Variants in DHRS7B observed in about 807,000 individuals in gnomAD.
DHRS7B encodes peroxisomal reductase activating PPAR-gamma.
A neutral mutation model predicts 26.4 loss-of-function variants in DHRS7B; 24 were observed. The observed-to-expected ratio is 0.91, with a 90% CI of 0.66 to 1.28. The LOEUF is 1.28. Among genes scored for constraint, DHRS7B ranks in the 50% most tolerant of loss-of-function variants. DHRS7B has a pLI of 0.00. For missense variants in DHRS7B, 368 were observed against 419.4 expected (o/e 0.88, Z 1.07); for synonymous variants, 142 against 166.4 (o/e 0.85, Z 1.13).
chr17:21,182,327 C>T (rs1974532227), intron 3 of DHRS7B, among the ~76,000 whole-genome samples: 1 of 152,200 alleles, frequency 6.6e-6, no homozygotes, highest in African/African-American at 2.4e-5. Context: ...CGGCTCACCA[C>T]AACCTCCGCC....
intron 3 of DHRS7B, among the ~76,000 whole-genome samples, chr17:21,181,036 T>G (rs1305075790): frequency 6.6e-6 from 1 of 152,238 alleles, no homozygotes; most frequent in Non-Finnish European, 1.5e-5. Context: ...TTTGTCTTAG[T>G]CTGTTTTATG....
intron 1 of DHRS7B, among the ~76,000 whole-genome samples, chr17:21,138,109 C>CACACACACACAT (rs1973401871): frequency 7.3e-6 from 1 of 137,914 alleles, no homozygotes; most frequent in Non-Finnish European, 1.5e-5. Flanking sequence ...TATACACACA[C>CACACACACACAT]ACACACACAC....
intron 1 of DHRS7B, among the ~76,000 whole-genome samples, chr17:21,143,163 G>A (rs1973563715): frequency 6.6e-6 from 1 of 152,214 alleles, no homozygotes; most frequent in Admixed American, 6.5e-5. Flanking sequence ...TCGACCTCAG[G>A]TGATCCGCCC....
At chr17:21,136,571 A>T (rs1209686385) in intron 1 of DHRS7B, among the ~76,000 whole-genome samples, 1 of 150,818 alleles carries the variant, frequency 6.6e-6, no homozygotes, top group Non-Finnish European at 1.5e-5. Context: ...GTTTGTTTTG[A>T]GATGGAGCCT....
At chr17:21,128,298 A>G (rs1359392318) in intron 1 of DHRS7B, 1 of 152,232 alleles carries the variant, frequency 6.6e-6, no homozygotes, top group East Asian at 1.9e-4. Context: ...GCAGTGGCTC[A>G]CACATGTAAT....
chr17:21,150,117 A>AAAAAC (rs1555537196), intron 1 of DHRS7B, among the ~76,000 whole-genome samples: 1 of 141,818 alleles, frequency 7.1e-6, no homozygotes, highest in African/African-American at 2.6e-5. Context: ...AAAAAAAAAA[A>AAAAAC]AAAAAAAAAA....
chr17:21,189,629 C>A (rs1974731925), intron 6 of DHRS7B, among the ~76,000 whole-genome samples: 1 of 152,228 alleles, frequency 6.6e-6, no homozygotes, highest in South Asian at 2.1e-4. Context: ...ACCAAGACTG[C>A]CCATGTCCTG....
chr17:21,153,859 A>G (rs7214471), intron 1 of DHRS7B, among the ~76,000 whole-genome samples: 130,309 of 152,100 alleles, frequency 0.86, 55,959 homozygotes, highest in African/African-American at 0.88. Context: ...CATGAATTTT[A>G]AAAGGGACAA....
chr17:21,168,651 G>A (rs1045032780), intron 1 of DHRS7B: 12 of 914,170 alleles, frequency 1.3e-5, no homozygotes, highest in African/African-American at 1.3e-4. Context: ...TTACAGGCGC[G>A]AGGCACTGCG....
At position 21,136,951 on chromosome 17, in the gene DHRS7B, T is replaced by A. The variant is rs527732357; in HGVS notation, c.20+9960T>A. On this transcript the variant is annotated intron_variant, in intron 1 of 6. Coordinates refer to ENST00000395511, the MANE Select transcript of DHRS7B (RefSeq NM_015510.5). ...GGTCATATTAAAGTTTTTTGGCTTT[T>A]AAAATTTTTTTTATTTTTATTTCTT... is the stretch of plus-strand genomic sequence containing the variant. Among the ~76,000 whole-genome samples, 8 of 152,082 alleles carry A rather than the reference T, an allele frequency of 5.3e-5. No individual in the cohort carries two copies. In the East Asian group the frequency reaches 7.7e-4, roughly 15 times the overall value.
intron 1 of DHRS7B, among the ~76,000 whole-genome samples, chr17:21,147,850 A>G (rs928836139): frequency 6.6e-6 from 1 of 152,078 alleles, no homozygotes; most frequent in African/African-American, 2.4e-5. Context: ...GCAAATCATA[A>G]TGGCTGCTCA....
intron 5 of DHRS7B, among the ~76,000 whole-genome samples, 154 bp from the exon 6 acceptor site, chr17:21,188,557 A>G (rs1567631697): frequency 6.6e-6 from 1 of 152,234 alleles, no homozygotes; most frequent in East Asian, 1.9e-4. Context: ...ACTTGAGCTC[A>G]GGAGCTGGAG....
chr17:21,162,482 T>C (rs191403558), intron 1 of DHRS7B, among the ~76,000 whole-genome samples: 1 of 152,212 alleles, frequency 6.6e-6, no homozygotes, highest in East Asian at 1.9e-4. Context: ...TGATACAATC[T>C]TATTCAACAA....
Position 21,190,933 on chromosome 17 carries a change from TTTTA to T in DHRS7B, c.773-7_773-4del, listed in dbSNP as rs1567632542. 3.7e-6 allele frequency: 6 copies of T among 1,613,064 alleles called. No individual in the cohort carries two copies. Among genetic ancestry groups the T allele is most frequent in the Non-Finnish European group, 5.1e-6 (6 of 1,179,768 alleles). ...CTTCCAAGTTCATGTGTTTCTTTTG[TTTTA>T]TTTATTTTAGTTATGGACACCACCA... On this transcript the variant is annotated splice_polypyrimidine_tract_variant and intron_variant, in intron 6 of 6. Transcript: ENST00000395511.
Position 21,171,004 on chromosome 17 carries a change from G to A in DHRS7B, c.21-1014G>A, listed in dbSNP as rs747206127. Among the ~76,000 whole-genome samples, 9 of 152,046 alleles carry A rather than the reference G, an allele frequency of 5.9e-5. No individual in the cohort carries two copies. In the East Asian group the frequency reaches 1.7e-3, roughly 29 times the overall value. On this transcript the variant is annotated intron_variant, in intron 1 of 6. Coordinates refer to ENST00000395511, the MANE Select transcript of DHRS7B (RefSeq NM_015510.5). The stretch of plus-strand genomic sequence containing the variant: ...CTTGGATTCCAGCCTCTTCCTTCCT[G>A]AGAAGGATTCTGTGCTCGTAAACCA...
chr17:21,161,237 G>A (rs545837450), intron 1 of DHRS7B, among the ~76,000 whole-genome samples: 1 of 152,312 alleles, frequency 6.6e-6, no homozygotes, highest in Non-Finnish European at 1.5e-5. Flanking sequence ...AGGCGCATGG[G>A]TTTTAACAGT....
rs866917788 is a variant in DHRS7B at position 21,171,846 on chromosome 17, A to T, written c.21-172A>T. ...AGTACTGAGAGGAAGAAAGTTCTAC[A>T]ATGCTGAACAGTCGGCCGAGGGTGC... On this transcript the variant is annotated intron_variant, in intron 1 of 6. Transcript: ENST00000395511. The T allele has an allele frequency of 1.1e-5, 9 of 797,172 alleles. No homozygotes were observed. In the Middle Eastern group the frequency reaches 2.0e-3, roughly 179 times the overall value. The allele number at this position is 797,172 out of a possible 1,614,324, so 49.4% of individuals were successfully genotyped here.
At chr17:21,136,252 A>G (rs1464276590) in intron 1 of DHRS7B, among the ~76,000 whole-genome samples, 1 of 151,136 alleles carries the variant, frequency 6.6e-6, no homozygotes, top group African/African-American at 2.4e-5. Context: ...CAGTGAGCCG[A>G]GATCACACCA....
At chr17:21,136,056 T>C (rs1973333183) in intron 1 of DHRS7B, among the ~76,000 whole-genome samples, 2 of 152,094 alleles carry the variant, frequency 1.3e-5, no homozygotes, top group Non-Finnish European at 1.5e-5. Flanking sequence ...CCCAGCACTT[T>C]GGGAGGCCGA....
Sources: allele counts gnomAD v4.1 joint callset (sites outside exome capture counted in the v4.1 genomes callset), GRCh38; gene constraint gnomAD v4.1.1; transcripts MANE v1.5; gene names NCBI Gene and HGNC (gene_info 2026-07-23, HGNC 2026-07-21).